SH3RF3: variants seen among roughly 807,000 people sequenced by gnomAD.
SH3RF3 encodes the protein SH3 domain containing ring finger 3.
In SH3RF3, 29 loss-of-function variants were observed where a neutral mutation model predicts 66.3. The ratio of observed to expected loss-of-function variants is 0.44; its 90% CI spans 0.33 to 0.60. The LOEUF (loss-of-function observed/expected upper bound fraction) is 0.60, where lower values mean the gene tolerates loss of function less well. SH3RF3 is among the 20% of genes least tolerant of loss of function. SH3RF3 has a pLI of 0.04. For synonymous variants in SH3RF3, 583 were observed against 532.0 expected, an observed-to-expected ratio of 1.10 and a Z score of -1.32; for missense variants, 1,194 against 1,190.9, an observed-to-expected ratio of 1.00 and a Z score of -0.04.
intron 3 of SH3RF3, among the ~76,000 whole-genome samples, chr2:109,391,188 G>A (rs1675982700): frequency 6.6e-6 from 1 of 152,244 alleles, no homozygotes; most frequent in Non-Finnish European, 1.5e-5. Flanking sequence ...TGCAAAATTA[G>A]GCAGCCATTT....
chr2:109,234,926 C>T (rs895722866), intron 1 of SH3RF3, among the ~76,000 whole-genome samples: 4 of 152,186 alleles, frequency 2.6e-5, no homozygotes, highest in Non-Finnish European at 5.9e-5. Context: ...TTCTGTGTAT[C>T]TGAGTTGTTG....
chr2:109,474,610 A>G (rs907322199), intron 8 of SH3RF3, among the ~76,000 whole-genome samples: 1 of 152,132 alleles, frequency 6.6e-6, no homozygotes, highest in Non-Finnish European at 1.5e-5. Flanking sequence ...AGGTTTGGGC[A>G]GGGGGGGAGA....
intron 5 of SH3RF3, 92 bp from the exon 6 acceptor site, chr2:109,432,409 T>C: frequency 1.3e-6 from 2 of 1,515,088 alleles, no homozygotes; most frequent in Non-Finnish European, 1.8e-6. Context: ...TAGGTTGGGT[T>C]CCTCCAAAGA....
chr2:109,494,558 G>A (rs1437941515), intron 9 of SH3RF3, among the ~76,000 whole-genome samples: 3 of 152,176 alleles, frequency 2.0e-5, no homozygotes, highest in Admixed American at 6.5e-5. Context: ...TTACTTCCAG[G>A]CTTACTTTGG....
intron 1 of SH3RF3, among the ~76,000 whole-genome samples, chr2:109,208,077 TGTGCTGGGCACA>T (rs965114528): frequency 6.6e-6 from 1 of 151,504 alleles, no homozygotes; most frequent in Non-Finnish European, 1.5e-5. Context: ...ACGGAATGCC[TGTGCTGGGCACA>T]GTGCTGGGCC....
At chr2:109,387,028 G>A (rs1029228669) in intron 3 of SH3RF3, among the ~76,000 whole-genome samples, 1 of 152,180 alleles carries the variant, frequency 6.6e-6, no homozygotes, top group Non-Finnish European at 1.5e-5. Flanking sequence ...TCAGAAAAGT[G>A]TAAAGAAGAA....
chr2:109,490,836 A>G lies in SH3RF3; in HGVS notation c.2380A>G (p.Lys794Glu). 6.5e-7 allele frequency: 1 copy of G among 1,536,784 alleles called. No homozygotes were observed. Among genetic ancestry groups the G allele is most frequent in the Non-Finnish European group, 8.7e-7 (1 of 1,146,612 alleles). Residue 794 changes from lysine (K) to glutamate (E), a missense_variant, in exon 9 of 10, where the codon AAG becomes GAG. Physicochemically the swap from Lys to Glu is moderately conservative, Grantham distance 56. Transcript: ENST00000309415. ...GAMGMEPLHR[K>E]AGSLDLNFTS... ...CATGGGGATGGAGCCTCTGCACAGG[A>G]AGGCAGGCTCCTTGGATCTAAACTT... is the stretch of plus-strand genomic sequence containing the variant.
At chr2:109,284,131 A>G (rs1305941330) in intron 1 of SH3RF3, among the ~76,000 whole-genome samples, 1 of 152,080 alleles carries the variant, frequency 6.6e-6, no homozygotes, top group Admixed American at 6.5e-5. Flanking sequence ...CACATCCCTC[A>G]GGTACTCAGC....
chr2:109,155,951 G>T (rs981571072), intron 1 of SH3RF3, among the ~76,000 whole-genome samples: 2 of 152,184 alleles, frequency 1.3e-5, no homozygotes, highest in African/African-American at 4.8e-5. Context: ...GGCAACTCAG[G>T]ATCATTCTGC....
chr2:109,359,123 A>G (rs986722520), intron 2 of SH3RF3, among the ~76,000 whole-genome samples: 1 of 152,092 alleles, frequency 6.6e-6, no homozygotes, highest in African/African-American at 2.4e-5. Flanking sequence ...GCTCTCTTCC[A>G]TTCCATTGAT....
intron 1 of SH3RF3, among the ~76,000 whole-genome samples, chr2:109,235,647 T>C (rs1679629336): frequency 6.6e-6 from 1 of 152,148 alleles, no homozygotes; most frequent in Admixed American, 6.5e-5. Flanking sequence ...TGTTTTTTGG[T>C]GTCATTAGAG....
intron 1 of SH3RF3, among the ~76,000 whole-genome samples, chr2:109,344,976 G>C (rs1268019867): frequency 1.3e-5 from 2 of 152,180 alleles, no homozygotes; most frequent in African/African-American, 4.8e-5. Context: ...GCTGGGGTCT[G>C]CATCAGTGAA....
At chr2:109,231,549 G>C (rs1679516122) in intron 1 of SH3RF3, among the ~76,000 whole-genome samples, 1 of 152,108 alleles carries the variant, frequency 6.6e-6, no homozygotes, top group South Asian at 2.1e-4. Context: ...TTCCACTTGG[G>C]CTTTTTGCTG....
chr2:109,278,099 C>T (rs1192315750), intron 1 of SH3RF3, among the ~76,000 whole-genome samples: 1 of 151,716 alleles, frequency 6.6e-6, no homozygotes, highest in African/African-American at 2.4e-5. Context: ...ATGGCTTGAG[C>T]CCAGGAGGTC....
chr2:109,285,945 G>C (rs898263446), intron 1 of SH3RF3, among the ~76,000 whole-genome samples: 7 of 152,092 alleles, frequency 4.6e-5, no homozygotes, highest in African/African-American at 1.4e-4. Context: ...CCTCTTTTCT[G>C]CCCTGGGTTC....
At chr2:109,259,774 GC>G (rs1171973055) in intron 1 of SH3RF3, among the ~76,000 whole-genome samples, 1 of 152,186 alleles carries the variant, frequency 6.6e-6, no homozygotes, top group Admixed American at 6.5e-5. Flanking sequence ...TGTGGAGGGA[GC>G]TTTATTCAGA....
chr2:109,250,684 A>G (rs1186548029), intron 1 of SH3RF3, among the ~76,000 whole-genome samples: 3 of 152,024 alleles, frequency 2.0e-5, no homozygotes, highest in Non-Finnish European at 4.4e-5. Context: ...AAACATATTT[A>G]TATCAAAGGA....
intron 5 of SH3RF3, 81 bp from the exon 6 acceptor site, chr2:109,432,420 C>A: frequency 6.4e-7 from 1 of 1,553,922 alleles, no homozygotes; most frequent in Non-Finnish European, 8.7e-7. Flanking sequence ...CCTCCAAAGA[C>A]AACCTCCCCC....
chr2:109,203,037 A>G (rs569327897), intron 1 of SH3RF3, among the ~76,000 whole-genome samples: 1 of 152,300 alleles, frequency 6.6e-6, no homozygotes, highest in East Asian at 1.9e-4. Context: ...ATGGTCCTAC[A>G]GTGATTGGAG....
Sources: allele counts gnomAD v4.1 joint callset (sites outside exome capture counted in the v4.1 genomes callset), GRCh38; gene constraint gnomAD v4.1.1; transcripts MANE v1.5; gene names NCBI Gene and HGNC (gene_info 2026-07-23, HGNC 2026-07-21).